Variants in IQSEC1 observed in about 807,000 individuals in gnomAD.
IQSEC1 encodes the protein IQ motif and Sec7 domain ArfGEF 1.
Under a neutral mutation model 91.0 loss-of-function variants are expected in IQSEC1, and 31 were observed. The ratio of observed to expected loss-of-function variants is 0.34; its 90% CI spans 0.26 to 0.46. The LOEUF is 0.46. Among genes scored for constraint, IQSEC1 ranks in the 20% least tolerant of loss-of-function variants. The probability of loss-of-function intolerance (pLI) is 1.00; values close to 1 mark genes in which losing one functional copy is unlikely to be tolerated. For synonymous variants in IQSEC1, 699 were observed against 662.6 expected, an observed-to-expected ratio of 1.05 and a Z score of -0.84; for missense variants, 1,388 against 1,575.6, an observed-to-expected ratio of 0.88 and a Z score of 2.02.
intron 1 of IQSEC1, among the ~76,000 whole-genome samples, chr3:13,052,558 C>A (rs1704729524): frequency 6.6e-6 from 1 of 152,188 alleles, no homozygotes; most frequent in African/African-American, 2.4e-5. Flanking sequence ...GGAAGAAATG[C>A]CCAAGAGCCC....
At chr3:13,015,800 A>AG (rs1007658658) in intron 1 of IQSEC1, 2 of 883,246 alleles carry the variant, frequency 2.3e-6, no homozygotes, top group Non-Finnish European at 2.7e-6. Context: ...GGCACTGCTG[A>AG]GGGGGCTCCT....
rs373087992 is a variant in IQSEC1, at chr3:13,024,066, C to T, written c.23+48926G>A. ...TCCCTGTCACTTTTCATACTGGCCTCGGTTCCTTGTGCCACACAGACTAAG... is the reference window on the plus strand; with the variant it reads ...TCCCTGTCACTTTTCATACTGGCCTTGGTTCCTTGTGCCACACAGACTAAG... On this transcript the variant is annotated intron_variant, in intron 1 of 13. Coordinates refer to ENST00000613206, the MANE Select transcript of IQSEC1 (RefSeq NM_001134382.3). Among the ~76,000 whole-genome samples, 252 of 152,348 alleles carry T rather than the reference C, an allele frequency of 1.7e-3. 2 individuals are homozygous for T. The highest frequency in any genetic ancestry group is 6.8e-3 in the South Asian group (33 of 4,826).
intron 1 of IQSEC1, among the ~76,000 whole-genome samples, chr3:13,055,789 G>C (rs1704854031): frequency 6.6e-6 from 1 of 152,288 alleles, no homozygotes; most frequent in South Asian, 2.1e-4. Flanking sequence ...TGTGCAAGGG[G>C]CCAGCAAGGA....
chr3:13,060,753 C>T (rs1705038523), intron 1 of IQSEC1, among the ~76,000 whole-genome samples: 1 of 152,206 alleles, frequency 6.6e-6, no homozygotes. Context: ...ACTCATCAGC[C>T]GGAAGCTCTT....
At chr3:13,206,410 A>G (rs1243626248) in intron 1 of IQSEC1, among the ~76,000 whole-genome samples, 1 of 152,210 alleles carries the variant, frequency 6.6e-6, no homozygotes, top group Non-Finnish European at 1.5e-5. Flanking sequence ...ATCATTAGGA[A>G]AATGCAAAAG....
At chr3:12,958,305 C>T (rs1700042775) in intron 1 of IQSEC1, among the ~76,000 whole-genome samples, 2 of 152,194 alleles carry the variant, frequency 1.3e-5, no homozygotes, top group Admixed American at 1.3e-4. Flanking sequence ...TCCCCCTCAA[C>T]CTCCCCTACC....
chr3:13,106,760 C>T (rs1460550040), intron 2 of IQSEC1, among the ~76,000 whole-genome samples: 2 of 152,220 alleles, frequency 1.3e-5, no homozygotes, highest in Non-Finnish European at 2.9e-5. Flanking sequence ...TCAAAACATG[C>T]TTATAAAGTG....
intron 1 of IQSEC1, among the ~76,000 whole-genome samples, chr3:13,056,520 C>T (rs1171694264): frequency 6.6e-6 from 1 of 152,068 alleles, no homozygotes; most frequent in Non-Finnish European, 1.5e-5. Flanking sequence ...TCCCATTTTA[C>T]ATATGAGGAA....
intron 2 of IQSEC1, among the ~76,000 whole-genome samples, chr3:13,129,684 G>A (rs926934953): frequency 5.6e-5 from 7 of 124,484 alleles, no homozygotes; most frequent in Admixed American, 8.9e-5. Context: ...TTGAGACAGA[G>A]TCTTGTTCTG....
intron 2 of IQSEC1, among the ~76,000 whole-genome samples, chr3:13,097,163 G>A (rs1405212779): frequency 1.3e-5 from 2 of 152,122 alleles, no homozygotes; most frequent in Non-Finnish European, 2.9e-5. Flanking sequence ...CCCGGCCTAG[G>A]CCTTTCTTTA....
intron 1 of IQSEC1, among the ~76,000 whole-genome samples, chr3:13,231,873 T>C (rs1694844238): frequency 6.6e-6 from 1 of 152,220 alleles, no homozygotes; most frequent in Admixed American, 6.5e-5. Context: ...ACACCCCCTT[T>C]GGCGATGCCG....
chr3:13,238,118 C>T (rs1694962934), intron 1 of IQSEC1, among the ~76,000 whole-genome samples: 1 of 152,338 alleles, frequency 6.6e-6, no homozygotes, highest in South Asian at 2.1e-4. Context: ...CCGCGTGCCC[C>T]AACCAACTAG....
chr3:13,034,001 C>A (rs1476994854), intron 1 of IQSEC1, among the ~76,000 whole-genome samples: 1 of 152,194 alleles, frequency 6.6e-6, no homozygotes. Flanking sequence ...TATAAGGGTG[C>A]CAGTCAGACT....
intron 2 of IQSEC1, among the ~76,000 whole-genome samples, chr3:13,138,583 G>A (rs1023522723): frequency 1.3e-5 from 2 of 152,074 alleles, no homozygotes; most frequent in African/African-American, 2.4e-5. Context: ...CGGCAGCTTC[G>A]CTGTACTTGG....
intron 12 of IQSEC1, among the ~76,000 whole-genome samples, chr3:12,907,225 A>G (rs1158952878): frequency 6.6e-6 from 1 of 152,172 alleles, no homozygotes; most frequent in Non-Finnish European, 1.5e-5. Flanking sequence ...TAATAATAAT[A>G]ATGACAAAAC....
intron 1 of IQSEC1, among the ~76,000 whole-genome samples, chr3:13,016,701 G>A (rs945479522): frequency 2.0e-5 from 3 of 152,106 alleles, no homozygotes; most frequent in Non-Finnish European, 2.9e-5. Context: ...CACTCTCAAC[G>A]CAAGGCCACC....
intron 1 of IQSEC1, among the ~76,000 whole-genome samples, chr3:13,252,491 A>G (rs7643917): frequency 0.23 from 34,652 of 152,204 alleles, 7,207 homozygotes; most frequent in African/African-American, 0.56. Flanking sequence ...TGTGAATAAC[A>G]CTGCTATGAA....
At position 13,282,793 on chromosome 3, in the gene IQSEC1, A is replaced by T. The variant is rs897841345; in HGVS notation, c.190T>A (p.Cys64Ser). The stretch of plus-strand genomic sequence containing the variant: ...GGGCCCGGGTCGGGGCGGCGGGCGC[A>T]CGCGGCCAGGTGTCGCCGGTGTCGC... The change falls in exon 1 of 16, where the codon TGC becomes AGC. Residue 64 changes from cysteine to serine, a missense_variant. Cys to Ser is a moderately radical substitution (Grantham distance 112). Coordinates refer to the IQSEC1 transcript ENST00000648114. This position sits in a 1 kb window ranked among gnomAD's most constrained non-coding sequence, Gnocchi z 6.4. 6.9e-5 allele frequency among the ~76,000 whole-genome samples: 10 copies of T among 145,688 alleles called. No individual in the cohort carries two copies. The highest frequency in any genetic ancestry group is 2.3e-4 in the African/African-American group (9 of 39,996).
chr3:13,029,110 T>G (rs1243488498), intron 1 of IQSEC1, among the ~76,000 whole-genome samples: 1 of 152,230 alleles, frequency 6.6e-6, no homozygotes, highest in Non-Finnish European at 1.5e-5. Flanking sequence ...ATATAGCAAC[T>G]GCCCTTCTAA....
Sources: gnomAD v4.1 joint callset for allele counts (sites outside exome capture counted in the v4.1 genomes callset) on GRCh38, gnomAD v4.1.1 for gene constraint, Gnocchi (gnomAD v3.1) non-coding constraint, MANE v1.5 for transcripts, NCBI Gene and HGNC (gene_info 2026-07-23, HGNC 2026-07-21) for gene names.